The following PLA2G7 variants were observed in gnomAD, a reference collection of about 807,000 sequenced individuals.
The protein encoded by PLA2G7 is phospholipase A2 group VII, also known as platelet-activating factor acetylhydrolase.
PLA2G7 carries 63 observed loss-of-function variants against 49.6 expected under a neutral mutation model. The observed-to-expected ratio is 1.27, with a 90% CI of 1.04 to 1.57. PLA2G7 has a LOEUF of 1.57. PLA2G7 is among the 40% of genes most tolerant of loss of function. The pLI, the probability that PLA2G7 is intolerant of heterozygous loss-of-function variation, is 0.00. For synonymous variants in PLA2G7, 193 were observed against 169.9 expected, an observed-to-expected ratio of 1.14 and a Z score of -1.06; for missense variants, 596 against 521.2, an observed-to-expected ratio of 1.14 and a Z score of -1.40.
chr6:46,716,978 A>G lies in PLA2G7; in HGVS notation c.228T>C (p.Asn76=), dbSNP rs1460924558. The G allele has an allele frequency of 6.2e-7, 1 of 1,613,496 alleles. No individual in the cohort carries two copies. Among genetic ancestry groups the G allele is most frequent in the Non-Finnish European group, 8.5e-7 (1 of 1,179,378 alleles). The change falls in exon 3 of 12, where the codon AAT becomes AAC. Residue 76 remains asparagine (N), a synonymous_variant. Coordinates refer to ENST00000274793, the MANE Select transcript of PLA2G7 (RefSeq NM_005084.4). ...GCTDLMFDHT[N]KGTFLRLYYP... Reference sequence around the variant, plus strand: ...GTTGTATAAATCAAAGCATTACCTTATTAGTGTGATCAAACATTAAGTCTG... The same window carrying G: ...GTTGTATAAATCAAAGCATTACCTTGTTAGTGTGATCAAACATTAAGTCTG...
In PLA2G7 at chr6:46,710,657, A is replaced by G; in HGVS notation, c.665T>C (p.Val222Ala). The part of the protein sequence containing the change: ...EEETHIRNEQ[V>A]RQRAKECSQA... Reference sequence around the variant, plus strand: ...GGAACATTCTTTTGCTCTTTGCCGTACCTAATATAATTATTAGAAGAAGGA... The same window carrying G: ...GGAACATTCTTTTGCTCTTTGCCGTGCCTAATATAATTATTAGAAGAAGGA... The change falls in exon 8 of 12, where the codon GTA (valine) becomes GCA (alanine). Residue 222 changes from valine to alanine, a missense_variant and splice_region_variant. Coordinates refer to ENST00000274793, the MANE Select transcript of PLA2G7 (RefSeq NM_005084.4). 1.3e-6 allele frequency: 2 copies of G among 1,595,710 alleles called. No individual in the cohort carries two copies. The highest frequency in any genetic ancestry group is 1.7e-6 in the Non-Finnish European group (2 of 1,163,272).
chr6:46,732,503 T>C (rs533987252), intron 1 of PLA2G7, among the ~76,000 whole-genome samples: 6 of 152,256 alleles, frequency 3.9e-5, no homozygotes, highest in Non-Finnish European at 7.4e-5. Flanking sequence ...GCAGAGAGCA[T>C]ATCTATCTTA....
chr6:46,717,707 TTCTTTTTC>T (rs60813451), intron 2 of PLA2G7, among the ~76,000 whole-genome samples: 3,916 of 93,844 alleles, frequency 0.042, 123 homozygotes, highest in African/African-American at 0.14. Flanking sequence ...TCTTTCTTTT[TTCTTTTTC>T]TTTTTTTTTT....
In PLA2G7 at chr6:46,710,607, T is replaced by C; in HGVS notation, c.715A>G (p.Ile239Val). The C allele has an allele frequency of 6.2e-7, 1 of 1,613,728 alleles. No homozygotes were observed. Among genetic ancestry groups the C allele is most frequent in the Non-Finnish European group, 8.5e-7 (1 of 1,179,630 alleles). ...CSQALSLILD[I>V]DHGKPVKNAL... ...TTCTTCACTGGCTTTCCATGATCAA[T>C]GTCAAGAATCAGACTGAGAGCTTGG... The change falls in exon 8 of 12, where the codon ATT becomes GTT. Residue 239 changes from isoleucine (I) to valine (V), a missense_variant. Transcript: ENST00000274793.
intron 9 of PLA2G7, among the ~76,000 whole-genome samples, 173 bp downstream of exon 9, chr6:46,709,152 TAG>T (rs2150693432): frequency 6.6e-6 from 1 of 152,076 alleles, no homozygotes; most frequent in East Asian, 1.9e-4. Context: ...GCAGGAGAGG[TAG>T]ATGTTTTAGC....
intron 2 of PLA2G7, among the ~76,000 whole-genome samples, chr6:46,722,126 C>T (rs1765420316): frequency 6.6e-6 from 1 of 152,140 alleles, no homozygotes; most frequent in Non-Finnish European, 1.5e-5. Flanking sequence ...AGATGGCTGT[C>T]CCGTTTTGGC....
At chr6:46,711,821 G>A (rs1372447747) in intron 6 of PLA2G7, among the ~76,000 whole-genome samples, 3 of 152,106 alleles carry the variant, frequency 2.0e-5, no homozygotes, top group South Asian at 2.1e-4. Context: ...CAAGTTGCAG[G>A]TAAACTCAAT....
intron 1 of PLA2G7, among the ~76,000 whole-genome samples, chr6:46,724,240 T>A (rs936684746): frequency 6.6e-6 from 1 of 152,042 alleles, no homozygotes; most frequent in Non-Finnish European, 1.5e-5. Flanking sequence ...ACCTTGTATG[T>A]TATTTGTTAG....
chr6:46,731,368 T>C (rs947608643), intron 1 of PLA2G7, among the ~76,000 whole-genome samples: 2 of 152,214 alleles, frequency 1.3e-5, no homozygotes, highest in East Asian at 3.9e-4. Context: ...TATTTTCAGT[T>C]ATCTACAAAT....
At chr6:46,714,390 T>C in intron 5 of PLA2G7, 70 bp downstream of exon 5, 1 of 948,172 alleles carries the variant, frequency 1.1e-6, no homozygotes, top group South Asian at 1.3e-5. Context: ...AACTCTGCTA[T>C]TTCTTTCTTG....
chr6:46,711,471 C>G (rs756338856), intron 7 of PLA2G7, 25 bp downstream of exon 7: 1 of 1,612,740 alleles, frequency 6.2e-7, no homozygotes, highest in South Asian at 1.1e-5. Flanking sequence ...GGTCACCAAC[C>G]ACCTCTCCTT....
At chr6:46,721,566 A>G (rs947509080) in intron 2 of PLA2G7, among the ~76,000 whole-genome samples, 1 of 151,260 alleles carries the variant, frequency 6.6e-6, no homozygotes, top group Non-Finnish European at 1.5e-5. Context: ...TTTTCCCACC[A>G]TCTAAGATAT....
chr6:46,707,747 A>G (rs1326464958), intron 10 of PLA2G7, among the ~76,000 whole-genome samples: 1 of 152,202 alleles, frequency 6.6e-6, no homozygotes, highest in Non-Finnish European at 1.5e-5. Context: ...AGTCTCAGGT[A>G]TTTCCATATA....
At position 46,716,395 on chromosome 6, in the gene PLA2G7, C is replaced by T. The variant is rs374356451; in HGVS notation, c.365G>A (p.Arg122Lys). 3 of 1,613,960 alleles carry T rather than the reference C, an allele frequency of 1.9e-6. No individual in the cohort carries two copies. In the African/African-American group the frequency reaches 4.0e-5, roughly 22 times the overall value. Residue 122 changes from arginine (R) to lysine (K), a missense_variant, in exon 4 of 12, where the codon AGG (arginine) becomes AAG (lysine). Transcript: ENST00000274793. ...AACAGAAATCTTACCAAAGAGTAAC[C>T]TCAAAATGTTGCCCATAAGCCAGTG... ...GTHWLMGNIL[R>K]LLFGSMTTPA...
intron 2 of PLA2G7, among the ~76,000 whole-genome samples, chr6:46,717,367 C>T (rs1453207804): frequency 6.6e-6 from 1 of 152,182 alleles, no homozygotes; most frequent in Non-Finnish European, 1.5e-5. Context: ...CTTGCCCTCT[C>T]ATTCTACTTC....
chr6:46,723,900 C>T (rs1765485652), intron 1 of PLA2G7, among the ~76,000 whole-genome samples: 1 of 152,210 alleles, frequency 6.6e-6, no homozygotes, highest in African/African-American at 2.4e-5. Flanking sequence ...TCAACACACT[C>T]CCAATCCTTC....
intron 2 of PLA2G7, among the ~76,000 whole-genome samples, chr6:46,717,702 CTTT>C (rs1404203688): frequency 4.9e-5 from 5 of 101,670 alleles, no homozygotes; most frequent in African/African-American, 2.2e-4. Context: ...TATTTTCTTT[CTTT>C]TTTCTTTTTC....
At chr6:46,711,997 C>A (rs761605916) in intron 6 of PLA2G7, among the ~76,000 whole-genome samples, 1 of 152,122 alleles carries the variant, frequency 6.6e-6, no homozygotes, top group Non-Finnish European at 1.5e-5. Context: ...ATAATAATAA[C>A]CATCTCATAG....
At chr6:46,714,367 G>T in intron 5 of PLA2G7, 93 bp downstream of exon 5, 2 of 827,916 alleles carry the variant, frequency 2.4e-6, no homozygotes, top group Admixed American at 1.7e-5. Context: ...ACAAGGGCCT[G>T]CATGACATTC....
Sources: gnomAD v4.1 joint callset for allele counts (sites outside exome capture counted in the v4.1 genomes callset) on GRCh38, gnomAD v4.1.1 for gene constraint, MANE v1.5 for transcripts, NCBI Gene and HGNC (gene_info 2026-07-23, HGNC 2026-07-21) for gene names.